Variants in PRELID2 observed in about 807,000 individuals in gnomAD.
The protein encoded by PRELID2 is PRELI domain-containing protein 2.
In PRELID2, 25 loss-of-function variants were observed where a neutral mutation model predicts 28.4. That is an observed-to-expected ratio of 0.88 (90% confidence interval 0.64 to 1.23). The LOEUF (loss-of-function observed/expected upper bound fraction) is 1.23, where lower values mean the gene tolerates loss of function less well. PRELID2 is among the 50% of genes most tolerant of loss of function. PRELID2 has a pLI of 0.00. For synonymous variants in PRELID2, 76 were observed against 71.6 expected, an observed-to-expected ratio of 1.06 and a Z score of -0.31; for missense variants, 201 against 214.4, an observed-to-expected ratio of 0.94 and a Z score of 0.39.
At chr5:145,801,948 T>C (rs1581232461) in intron 4 of PRELID2, among the ~76,000 whole-genome samples, 2 of 152,216 alleles carry the variant, frequency 1.3e-5, no homozygotes, top group East Asian at 1.9e-4. Context: ...TCCAGGACCA[T>C]TGCAAAGTGC....
chr5:145,520,606 C>A (rs1752555785), intron 1 of PRELID2, among the ~76,000 whole-genome samples: 1 of 152,208 alleles, frequency 6.6e-6, no homozygotes, highest in Admixed American at 6.5e-5. Context: ...ACCTGCCCAG[C>A]CAGCCACCTG....
At chr5:145,823,031 C>G in intron 2 of PRELID2, 46 bp downstream of exon 2, 1 of 1,037,356 alleles carries the variant, frequency 9.6e-7, no homozygotes, top group South Asian at 1.3e-5. Flanking sequence ...ACAAAAATCA[C>G]TATCATTTAA....
intron 1 of PRELID2, among the ~76,000 whole-genome samples, chr5:145,599,026 C>T (rs1034798259): frequency 6.6e-6 from 1 of 152,080 alleles, no homozygotes; most frequent in African/African-American, 2.4e-5. Context: ...CTTGATTCAG[C>T]CTATAGGTTG....
the PRELID2 span, among the ~76,000 whole-genome samples, chr5:145,296,438 G>A: frequency 7.5e-5 from 11 of 147,590 alleles, no homozygotes; most frequent in East Asian, 6.1e-4. Context: ...GAGAATATGC[G>A]GTGTTTGGTT....
chr5:145,385,382 A>G, the PRELID2 span, among the ~76,000 whole-genome samples: 1 of 152,266 alleles, frequency 6.6e-6, no homozygotes, highest in Middle Eastern at 3.4e-3. Context: ...TTGTCCTTCC[A>G]TAGCATTTTG....
chr5:145,718,931 T>C (rs1009386296), intron 1 of PRELID2, among the ~76,000 whole-genome samples: 5 of 151,974 alleles, frequency 3.3e-5, no homozygotes, highest in Non-Finnish European at 5.9e-5. Context: ...TCTTGGACTT[T>C]ATAAATAAAT....
the PRELID2 span, among the ~76,000 whole-genome samples, chr5:145,242,165 A>AAT: frequency 9.9e-5 from 15 of 152,024 alleles, no homozygotes; most frequent in South Asian, 1.2e-3. Context: ...TGTGTGTGTG[A>AAT]ATATATATAT....
At chr5:145,653,632 T>C (rs958986361) in intron 1 of PRELID2, among the ~76,000 whole-genome samples, 1 of 152,170 alleles carries the variant, frequency 6.6e-6, no homozygotes, top group Non-Finnish European at 1.5e-5. Flanking sequence ...AACTGAACAA[T>C]CTGCTCCTGA....
chr5:145,817,889 C>A lies in PRELID2; in HGVS notation c.368+5G>T, dbSNP rs1316667463. The A allele has an allele frequency of 1.3e-6, 2 of 1,541,476 alleles. No homozygotes were observed. The highest frequency in any genetic ancestry group is 1.7e-6 in the Non-Finnish European group (2 of 1,146,930). On this transcript the variant is annotated splice_donor_5th_base_variant and intron_variant, in intron 4 of 6. Coordinates refer to ENST00000683046, the MANE Select transcript of PRELID2 (RefSeq NM_205846.3). ...AACACACACACATATACACACGAGT[C>A]TTACCAATTTGGGTTTTCCATACTT...
the PRELID2 span, among the ~76,000 whole-genome samples, chr5:145,238,255 C>T: frequency 5.3e-5 from 8 of 152,144 alleles, no homozygotes; most frequent in Non-Finnish European, 1.0e-4. Flanking sequence ...AAATGCTTCA[C>T]TTATCCATAT....
At chr5:145,719,496 CGAGAGAGA>C (rs143655188) in intron 1 of PRELID2, among the ~76,000 whole-genome samples, 11 of 144,822 alleles carry the variant, frequency 7.6e-5, no homozygotes, top group African/African-American at 2.3e-4. Context: ...TTTCCCATTA[CGAGAGAGA>C]GAGAGAGAGA....
Position 145,796,574 on chromosome 5 carries a change from T to C in PRELID2, c.369-27A>G, listed in dbSNP as rs201922521. On this transcript the variant is annotated intron_variant, in intron 4 of 6. Transcript: ENST00000683046. ...TGCAAAAAAAACAAAAAACACATCT[T>C]TGATGTCATTCTATGCTTGGATATG... The C allele has an allele frequency of 2.8e-6, 4 of 1,435,226 alleles. No homozygotes were observed. The East Asian group carries it at 7.0e-5, about 25-fold the overall frequency. 88.9% of individuals were successfully genotyped at this position (1,435,226 alleles called of 1,614,324 possible).
At chr5:145,468,866 G>T (rs1401472907), downstream of PRELID2, among the ~76,000 whole-genome samples, 1 of 152,128 alleles carries the variant, frequency 6.6e-6, no homozygotes, top group Non-Finnish European at 1.5e-5. Context: ...TCTGTAGGTT[G>T]CCTGCTCACT....
intron 4 of PRELID2, among the ~76,000 whole-genome samples, chr5:145,800,591 G>A (rs1188339061): frequency 6.6e-6 from 1 of 152,110 alleles, no homozygotes; most frequent in Non-Finnish European, 1.5e-5. Context: ...ATGTAGGTGA[G>A]GGATTAATAA....
intron 1 of PRELID2, among the ~76,000 whole-genome samples, chr5:145,679,953 A>G (rs1754900883): frequency 6.6e-6 from 1 of 151,660 alleles, no homozygotes; most frequent in African/African-American, 2.4e-5. Flanking sequence ...GAAGCTTTCT[A>G]TATAGTTAGA....
chr5:145,412,983 C>T, the PRELID2 span, among the ~76,000 whole-genome samples: 1 of 152,112 alleles, frequency 6.6e-6, no homozygotes, highest in Non-Finnish European at 1.5e-5. Context: ...GGGAAACCAC[C>T]TCCATGATTC....
intron 1 of PRELID2, chr5:145,728,958 C>T (rs1756254898): frequency 2.6e-6 from 2 of 781,102 alleles, no homozygotes; most frequent in Non-Finnish European, 4.7e-6. Flanking sequence ...AGCAACTGCA[C>T]AAAGACCTTT....
chr5:145,557,587 G>T (rs576645377), intron 1 of PRELID2, among the ~76,000 whole-genome samples: 2 of 152,200 alleles, frequency 1.3e-5, no homozygotes, highest in African/African-American at 4.8e-5. Flanking sequence ...AGGAGATGCC[G>T]CTGGTGGAGC....
At chr5:145,817,214 A>ATATATAT (rs1561643832) in intron 4 of PRELID2, among the ~76,000 whole-genome samples, 3 of 64,132 alleles carry the variant, frequency 4.7e-5, no homozygotes, top group African/African-American at 1.3e-4. Context: ...TAAATAAATA[A>ATATATAT]AAAAAAATAT....
Sources: gnomAD v4.1 joint callset for allele counts (sites outside exome capture counted in the v4.1 genomes callset) on GRCh38, gnomAD v4.1.1 for gene constraint, MANE v1.5 for transcripts, NCBI Gene and HGNC (gene_info 2026-07-23, HGNC 2026-07-21) for gene names.